The following ARMC8 variants were observed in gnomAD, a reference collection of about 807,000 sequenced individuals.
ARMC8 encodes the protein armadillo repeat containing 8, also known as armadillo repeat-containing protein 8.
In ARMC8, 20 loss-of-function variants were observed where a neutral mutation model predicts 99.3. That is an observed-to-expected ratio of 0.20 (90% CI 0.14 to 0.29). The LOEUF (loss-of-function observed/expected upper bound fraction) is 0.29. ARMC8 is among the 10% of genes least tolerant of loss of function. ARMC8 has a pLI of 1.00. For missense variants in ARMC8, 569 were observed against 809.5 expected (o/e 0.70, Z 3.60); for synonymous variants, 263 against 278.3 (o/e 0.95, Z 0.55).
chr3:138,280,994 A>C (rs2049851194), intron 18 of ARMC8, among the ~76,000 whole-genome samples: 1 of 152,146 alleles, frequency 6.6e-6, no homozygotes, highest in African/African-American at 2.4e-5. Context: ...CAATTTTTGC[A>C]GGCTCTGGTC....
intron 7 of ARMC8, among the ~76,000 whole-genome samples, chr3:138,236,911 T>C (rs1223758964): frequency 2.0e-5 from 3 of 152,200 alleles, no homozygotes; most frequent in Admixed American, 1.3e-4. Flanking sequence ...TAATATTGTT[T>C]CCTCTCCTTC....
chr3:138,188,851 T>C (rs547262377), intron 1 of ARMC8, among the ~76,000 whole-genome samples: 10 of 152,310 alleles, frequency 6.6e-5, no homozygotes, highest in South Asian at 2.1e-4. Context: ...AACAGATTTT[T>C]CCCCTGATCC....
intron 12 of ARMC8, among the ~76,000 whole-genome samples, chr3:138,256,522 C>T (rs753177903): frequency 7.9e-4 from 120 of 151,272 alleles, no homozygotes; most frequent in South Asian, 2.3e-3. Flanking sequence ...GCCATTCTCC[C>T]GCCTCAGCTT....
chr3:138,276,402 G>A (rs1382952808), intron 18 of ARMC8, among the ~76,000 whole-genome samples: 3 of 152,116 alleles, frequency 2.0e-5, no homozygotes, highest in Middle Eastern at 3.2e-3. Flanking sequence ...CTTAAATTGG[G>A]AACAAGACAA....
rs1199266859 is a variant in ARMC8 at position 138,215,263 on chromosome 3, C to G, written c.122+5370C>G. On this transcript the variant is annotated intron_variant, in intron 2 of 21. Coordinates refer to ENST00000469044, the MANE Select transcript of ARMC8 (RefSeq NM_001363941.2). ...GTGGAGTCTCACTCTGTTGCCCAGA[C>G]TGGAGTGCAATGGCGTGGTCTGGGC... Among the ~76,000 whole-genome samples the G allele has an allele frequency of 3.3e-5, 5 of 152,156 alleles. No homozygotes were observed. The East Asian group carries it at 9.7e-4, about 29-fold the overall frequency.
At chr3:138,262,318 G>T (rs1352851373) in intron 12 of ARMC8, 1 of 535,942 alleles carries the variant, frequency 1.9e-6, no homozygotes, top group African/African-American at 1.9e-5. Context: ...GGTCTAGGGC[G>T]AGGAGTAGAT....
intron 12 of ARMC8, among the ~76,000 whole-genome samples, chr3:138,257,191 A>G (rs1442558755): frequency 6.6e-6 from 1 of 152,244 alleles, no homozygotes; most frequent in Non-Finnish European, 1.5e-5. Flanking sequence ...CTGAGTTAGG[A>G]GCAAGCACTG....
intron 2 of ARMC8, among the ~76,000 whole-genome samples, chr3:138,216,734 A>G (rs188891290): frequency 5.6e-4 from 86 of 152,306 alleles, no homozygotes; most frequent in Admixed American, 9.2e-4. Flanking sequence ...AAGTAGATCA[A>G]ACTTTATACT....
intron 1 of ARMC8, among the ~76,000 whole-genome samples, chr3:138,188,752 G>A (rs1025157849): frequency 1.1e-4 from 17 of 152,150 alleles, no homozygotes; most frequent in African/African-American, 4.1e-4. Flanking sequence ...TAGGACATTT[G>A]CTTATGATTC....
At chr3:138,220,898 C>T (rs1052741879) in intron 2 of ARMC8, among the ~76,000 whole-genome samples, 2 of 152,030 alleles carry the variant, frequency 1.3e-5, no homozygotes, top group Non-Finnish European at 2.9e-5. Flanking sequence ...CCATGTTGTT[C>T]AGTCTGATCT....
intron 1 of ARMC8, among the ~76,000 whole-genome samples, chr3:138,201,111 C>T (rs990744133): frequency 2.6e-5 from 4 of 151,702 alleles, no homozygotes; most frequent in Non-Finnish European, 5.9e-5. Flanking sequence ...TGGGTTTCAC[C>T]GTCTTGGCCA....
At chr3:138,190,558 G>A (rs2043326573) in intron 1 of ARMC8, among the ~76,000 whole-genome samples, 1 of 151,904 alleles carries the variant, frequency 6.6e-6, no homozygotes, top group Non-Finnish European at 1.5e-5. Flanking sequence ...CAAAGTGCTG[G>A]GATTACAGGT....
At chr3:138,285,826 G>A (rs1223381464) in intron 19 of ARMC8, among the ~76,000 whole-genome samples, 1 of 152,052 alleles carries the variant, frequency 6.6e-6, no homozygotes, top group Non-Finnish European at 1.5e-5. Flanking sequence ...ACTTCAACCA[G>A]GGATTCCCTT....
In ARMC8 at chr3:138,234,936, CTGTAGTGAA is replaced by C; in HGVS notation, c.529-94_529-86del. 3 of 927,256 alleles carry C rather than the reference CTGTAGTGAA, an allele frequency of 3.2e-6. No homozygotes were observed. In the East Asian group the frequency reaches 7.6e-5, roughly 23 times the overall value. The allele number at this position is 927,256 out of a possible 1,614,324, so 57.4% of individuals were successfully genotyped here. On this transcript the variant is annotated intron_variant, in intron 6 of 21. Transcript: ENST00000469044. ...AAGCAAAGAGTAACAGGATTCTGTA[CTGTAGTGAA>C]TGTGGTTTTCTACATTTAAGTAAAT...
chr3:138,217,817 A>G (rs1050762250), intron 2 of ARMC8, among the ~76,000 whole-genome samples: 1 of 152,168 alleles, frequency 6.6e-6, no homozygotes, highest in Admixed American at 6.5e-5. Flanking sequence ...TCAAAAATCA[A>G]TCCTTGTCTT....
chr3:138,272,266 T>C (rs2048870202), intron 16 of ARMC8, among the ~76,000 whole-genome samples: 1 of 152,206 alleles, frequency 6.6e-6, no homozygotes, highest in Non-Finnish European at 1.5e-5. Context: ...CTTATTTTCT[T>C]CCGTGAGTAC....
intron 19 of ARMC8, 63 bp from the exon 20 acceptor site, chr3:138,288,985 A>C (rs1015850957): frequency 1.2e-4 from 153 of 1,295,820 alleles, no homozygotes; most frequent in South Asian, 2.0e-4. Context: ...AGGTCCCCCC[A>C]AAAAAAAATC....
chr3:138,221,879 T>C, intron 2 of ARMC8, 47 bp from the exon 3 acceptor site: 1 of 1,418,326 alleles, frequency 7.1e-7, no homozygotes, highest in Non-Finnish European at 9.9e-7. Flanking sequence ...TTGATTTTTC[T>C]TCAGTGCTGT....
At chr3:138,228,613 G>T (rs951181833) in intron 5 of ARMC8, 1 of 452,514 alleles carries the variant, frequency 2.2e-6, no homozygotes, top group Non-Finnish European at 4.4e-6. Flanking sequence ...TTTCAGAACT[G>T]ATTTCTGTCA....
Sources: allele counts gnomAD v4.1 joint callset (sites outside exome capture counted in the v4.1 genomes callset), GRCh38; gene constraint gnomAD v4.1.1; transcripts MANE v1.5; gene names NCBI Gene and HGNC (gene_info 2026-07-23, HGNC 2026-07-21).